GABARAP: variants seen among roughly 807,000 people sequenced by gnomAD.
GABARAP encodes the protein GABA type A receptor-associated protein.
Under a neutral mutation model 16.7 loss-of-function variants are expected in GABARAP, and 5 were observed. That is an observed-to-expected ratio of 0.30 (90% CI 0.16 to 0.63). GABARAP has a LOEUF of 0.63. Among genes scored for constraint, GABARAP ranks in the 20% least tolerant of loss-of-function variants. The pLI, the probability that GABARAP is intolerant of heterozygous loss-of-function variation, is 0.82. For missense variants in GABARAP, 84 were observed against 146.6 expected, an observed-to-expected ratio of 0.57 and a Z score of 2.21; for synonymous variants, 45 against 52.7, an observed-to-expected ratio of 0.85 and a Z score of 0.64.
In GABARAP at chr17:7,242,291, G is replaced by T; in HGVS notation, c.40C>A (p.Arg14Ser). 1.9e-6 allele frequency: 3 copies of T among 1,613,830 alleles called. No individual in the cohort carries two copies. Among genetic ancestry groups the T allele is most frequent in the Non-Finnish European group, 2.5e-6 (3 of 1,179,866 alleles). Residue 14 changes from arginine (R) to serine (S), a missense_variant, in exon 1 of 4, where the codon CGC becomes AGC. Transcript: ENST00000302386. The stretch of plus-strand genomic sequence containing the variant: ...CGGATCTTCTCGCCCTCAGAGCGGC[G>T]CTTCTCGAACGGATGCTCTTCTTTG... ...VYKEEHPFEKRRSEGEKIRKK... is the reference protein window; with the variant it reads ...VYKEEHPFEKSRSEGEKIRKK...
chr17:7,242,209 C>A, intron 1 of GABARAP, 32 bp downstream of exon 1: 1 of 1,517,938 alleles, frequency 6.6e-7, no homozygotes, highest in South Asian at 1.1e-5. Context: ...GCGTAAGCGT[C>A]CCGCGCCCTC....
Position 7,242,393 on chromosome 17 carries a change from G to A in GABARAP, c.-63C>T, listed in dbSNP as rs555905616. Reference sequence around the variant, plus strand: ...GAACCCAGGGGGGCCGGGACGGGGGGCGGCGACGACGGCGGCGACGCGCGG... The same window carrying A: ...GAACCCAGGGGGGCCGGGACGGGGGACGGCGACGACGGCGGCGACGCGCGG... On this transcript the variant is annotated 5_prime_UTR_variant, in exon 1 of 4. Coordinates refer to ENST00000302386, the MANE Select transcript of GABARAP (RefSeq NM_007278.2). 8 of 1,292,340 alleles carry A rather than the reference G, an allele frequency of 6.2e-6. No homozygotes were observed. Among genetic ancestry groups the A allele is most frequent in the African/African-American group, 2.9e-5 (2 of 68,184 alleles). The allele number at this position is 1,292,340 out of a possible 1,614,324, so 80.1% of individuals were successfully genotyped here. A position where few individuals can be genotyped will look rare whatever the true frequency, so the allele number is the denominator to read the frequency against.
intron 3 of GABARAP, 98 bp from the exon 4 acceptor site, chr17:7,241,017 G>T: frequency 1.2e-6 from 1 of 823,946 alleles, no homozygotes; most frequent in Non-Finnish European, 2.1e-6. Context: ...ACCATTGCCT[G>T]ACTCCTTCAC....
At position 7,241,338 on chromosome 17, in the gene GABARAP, A is replaced by G. The variant is rs772798713; in HGVS notation, c.288+4T>C. On this transcript the variant is annotated splice_donor_region_variant and intron_variant, in intron 3 of 3. Coordinates refer to ENST00000302386, the MANE Select transcript of GABARAP (RefSeq NM_007278.2). ...AAGCCTCCACCACTTCCCAGTCACC[A>G]TACCTGGTACAGCTGACCCATTGTG... 1 of 1,322,008 alleles carries G rather than the reference A, an allele frequency of 7.6e-7. No homozygotes were observed. The highest frequency in any genetic ancestry group is 1.7e-5 in the Admixed American group (1 of 59,730). 81.9% of individuals were successfully genotyped at this position (1,322,008 alleles called of 1,614,324 possible).
At position 7,240,587 on chromosome 17, in the gene GABARAP, G is replaced by A. The variant is rs1246226641; in HGVS notation, c.*267C>T. ...ACAGAAACCAAAACAATCACTGGATGTGACACAGACTGACAATCAAGAAGT... is the reference window on the plus strand; with the variant it reads ...ACAGAAACCAAAACAATCACTGGATATGACACAGACTGACAATCAAGAAGT... On this transcript the variant is annotated 3_prime_UTR_variant, in exon 4 of 4. Coordinates refer to ENST00000302386, the MANE Select transcript of GABARAP (RefSeq NM_007278.2). The A allele has an allele frequency of 1.0e-5, 4 of 400,196 alleles. No individual in the cohort carries two copies. Among genetic ancestry groups the A allele is most frequent in the Admixed American group, 4.2e-5 (1 of 23,534 alleles). The allele number at this position is 400,196 out of a possible 1,614,324, so 24.8% of individuals were successfully genotyped here. A position where few individuals can be genotyped will look rare whatever the true frequency, so the allele number is the denominator to read the frequency against.
chr17:7,240,796 G>A lies in GABARAP; in HGVS notation c.*58C>T, dbSNP rs1567584832. The A allele has an allele frequency of 1.7e-6, 2 of 1,168,304 alleles. No individual in the cohort carries two copies. The highest frequency in any genetic ancestry group is 3.5e-5 in the Admixed American group (2 of 57,638). The allele number at this position is 1,168,304 out of a possible 1,614,324, so 72.4% of individuals were successfully genotyped here. On this transcript the variant is annotated 3_prime_UTR_variant, in exon 4 of 4. Transcript: ENST00000302386. ...CTTGAAGGAGGAGGAGGTCAAGAAA[G>A]GGGGGCCACCTCTCTCTTTGTAGAA...
Position 7,242,347 on chromosome 17 carries a change from C to A in GABARAP, c.-17G>T. ...GAACTTCATCCTCCCGGGAACCGGG[C>A]TGGACAGGGCTGGGCTGAGGGAACC... is the stretch of plus-strand genomic sequence containing the variant. On this transcript the variant is annotated 5_prime_UTR_variant, in exon 1 of 4. Transcript: ENST00000302386. 6.3e-7 allele frequency: 1 copy of A among 1,595,354 alleles called. No homozygotes were observed.
In GABARAP at chr17:7,241,597, C is replaced by T. The variant is rs2071779423; in HGVS notation, c.169+4G>A. On this transcript the variant is annotated splice_donor_region_variant and intron_variant, in intron 2 of 3. Transcript: ENST00000302386. Reference sequence around the variant, plus strand: ...CAAGCCTGAGTCTTGGATCAGGTTCCCACCTGTGAGATCAGAAGGCACCAG... The same window carrying T: ...CAAGCCTGAGTCTTGGATCAGGTTCTCACCTGTGAGATCAGAAGGCACCAG... 1 of 1,603,236 alleles carries T rather than the reference C, an allele frequency of 6.2e-7. No homozygotes were observed. The highest frequency in any genetic ancestry group is 1.7e-5 in the Admixed American group (1 of 60,008).
intron 2 of GABARAP, 49 bp from the exon 3 acceptor site, chr17:7,241,509 T>C (rs1224143171): frequency 7.5e-7 from 1 of 1,340,916 alleles, no homozygotes; most frequent in South Asian, 1.2e-5. Context: ...AAAAATGCCC[T>C]CAAAAGAACA....
chr17:7,242,278 C>A lies in GABARAP; in HGVS notation c.53G>T (p.Gly18Val), dbSNP rs2071785782. ...EHPFEKRRSE[G>V]EKIRKKYPDR... ...CGGGTATTTCTTTCGGATCTTCTCGCCCTCAGAGCGGCGCTTCTCGAACGG... is the reference window on the plus strand; with the variant it reads ...CGGGTATTTCTTTCGGATCTTCTCGACCTCAGAGCGGCGCTTCTCGAACGG... The change falls in exon 1 of 4, where the codon GGC becomes GTC. Residue 18 changes from glycine to valine, a missense_variant. Transcript: ENST00000302386. 3 of 1,613,856 alleles carry A rather than the reference C, an allele frequency of 1.9e-6. No homozygotes were observed. Among genetic ancestry groups the A allele is most frequent in the Non-Finnish European group, 2.5e-6 (3 of 1,179,880 alleles).
chr17:7,241,164 T>A, intron 3 of GABARAP, 178 bp downstream of exon 3: 1 of 681,664 alleles, frequency 1.5e-6, no homozygotes, highest in East Asian at 2.5e-5. Context: ...TAGCTCACTG[T>A]TCTCTTTCCT....
At position 7,240,688 on chromosome 17, in the gene GABARAP, C is replaced by A; in HGVS notation, c.*166G>T. 1.7e-6 allele frequency: 1 copy of A among 598,802 alleles called. No homozygotes were observed. The highest frequency in any genetic ancestry group is 3.1e-5 in the Admixed American group (1 of 32,702). 37.1% of individuals were successfully genotyped at this position (598,802 alleles called of 1,614,324 possible). ...GAGAGTTACAAGATGCCAACTCCAC[C>A]ATTACCCCTCCTAAGAGAGGCTGGA... On this transcript the variant is annotated 3_prime_UTR_variant, in exon 4 of 4. Transcript: ENST00000302386.
intron 1 of GABARAP, 46 bp downstream of exon 1, chr17:7,242,195 G>T (rs1375518593): frequency 7.2e-7 from 1 of 1,388,972 alleles, no homozygotes; most frequent in African/African-American, 1.4e-5. Flanking sequence ...AGGCTGTGGC[G>T]TCAGCGTAAG....
At chr17:7,241,138 G>T in intron 3 of GABARAP, 3 of 680,146 alleles carry the variant, frequency 4.4e-6, no homozygotes, top group Non-Finnish European at 7.9e-6. Context: ...GAAGAGTCCC[G>T]AACAGATAGT....
rs568437243 is a variant in GABARAP at position 7,242,137 on chromosome 17, C to T, written c.90+104G>A. The T allele has an allele frequency of 2.5e-5, 21 of 842,530 alleles. No homozygotes were observed. In the African/African-American group the frequency reaches 3.5e-4, roughly 14 times the overall value. The allele number at this position is 842,530 out of a possible 1,614,324, so 52.2% of individuals were successfully genotyped here. A position where few individuals can be genotyped will look rare whatever the true frequency, so the allele number is the denominator to read the frequency against. On this transcript the variant is annotated intron_variant, in intron 1 of 3. Coordinates refer to ENST00000302386, the MANE Select transcript of GABARAP (RefSeq NM_007278.2). ...AGTTTCAGGCTCGCTGCCAACCCCA[C>T]CACAGCCAGCAGCCTGATCCCTGCG...
chr17:7,241,412 T>A lies in GABARAP; in HGVS notation c.218A>T (p.Glu73Val), dbSNP rs367707073. The stretch of plus-strand genomic sequence containing the variant: ...GTTGACAAAGAAAAACAAGGCATCC[T>A]CAGCTCGGAGATGAATTCGCTTCCG... ...LIRKRIHLRA[E>V]DALFFFVNNV... is the part of the protein sequence containing the mutation. The change falls in exon 3 of 4, where the codon GAG (glutamate) becomes GTG (valine). Residue 73 changes from glutamate (E) to valine (V), a missense_variant. Glu to Val is a moderately radical substitution (Grantham distance 121, BLOSUM62 -2). Coordinates refer to ENST00000302386, the MANE Select transcript of GABARAP (RefSeq NM_007278.2). 2 of 1,605,178 alleles carry A rather than the reference T, an allele frequency of 1.2e-6. No homozygotes were observed. The highest frequency in any genetic ancestry group is 2.7e-5 in the African/African-American group (2 of 74,782).
chr17:7,241,814 A>G, intron 1 of GABARAP, 135 bp from the exon 2 acceptor site: 1 of 684,068 alleles, frequency 1.5e-6, no homozygotes, highest in Non-Finnish European at 2.6e-6. Context: ...CACGCGGTGC[A>G]GCACTGAGTC....
At position 7,242,224 on chromosome 17, in the gene GABARAP, C is replaced by G. The variant is rs1419926442; in HGVS notation, c.90+17G>C. ...GCGTAAGCGTCCCGCGCCCTCGGCC[C>G]TGGCTACTGTCCTCACCGGCACCCG... On this transcript the variant is annotated intron_variant, in intron 1 of 3. Coordinates refer to ENST00000302386, the MANE Select transcript of GABARAP (RefSeq NM_007278.2). The G allele has an allele frequency of 1.3e-6, 2 of 1,598,210 alleles. No individual in the cohort carries two copies. Among genetic ancestry groups the G allele is most frequent in the Admixed American group, 3.3e-5 (2 of 59,996 alleles).
In GABARAP at chr17:7,240,932, C is replaced by A. The variant is rs779175255; in HGVS notation, c.289-13G>T. 1 of 1,601,478 alleles carries A rather than the reference C, an allele frequency of 6.2e-7. No homozygotes were observed. Among genetic ancestry groups the A allele is most frequent in the African/African-American group, 1.3e-5 (1 of 74,644 alleles). On this transcript the variant is annotated splice_polypyrimidine_tract_variant and intron_variant, in intron 3 of 3. Coordinates refer to ENST00000302386, the MANE Select transcript of GABARAP (RefSeq NM_007278.2). ...CTTCATGGTGTTCCTGGGATGAAAG[C>A]AGAAAACTGTTCAGCAACTGGGCTC...
Sources: gnomAD v4.1 joint callset for allele counts on GRCh38, gnomAD v4.1.1 for gene constraint, MANE v1.5 for transcripts, NCBI Gene and HGNC (gene_info 2026-07-23, HGNC 2026-07-21) for gene names.